The following OR7C1 variants were observed in gnomAD, a reference collection of about 807,000 sequenced individuals.
The protein encoded by OR7C1 is olfactory receptor family 7 subfamily C member 1, also known as olfactory receptor 7C1.
For missense variants in OR7C1, 324 were observed against 383.3 expected, an observed-to-expected ratio of 0.85 and a Z score of 1.29; for synonymous variants, 152 against 160.7, an observed-to-expected ratio of 0.95 and a Z score of 0.41.
At chr19:14,800,884 C>T (rs1433518045) in intron 2 of OR7C1, 120 bp from the exon 3 acceptor site, 9 of 152,206 alleles carry the variant, frequency 5.9e-5, no homozygotes, top group African/African-American at 9.7e-5. Context: ...GACACTGCCT[C>T]CTCAAAGGGG....
At chr19:14,826,136 T>C (rs2044765863) in intron 1 of OR7C1, 1 of 152,178 alleles carries the variant, frequency 6.6e-6, no homozygotes, top group Admixed American at 6.5e-5. Context: ...AATTTTCCAT[T>C]CCCAGAGACA....
exon 5 of OR7C1, chr19:14,799,062 T>C: frequency 7.4e-7 from 1 of 1,351,962 alleles, no homozygotes; most frequent in Non-Finnish European, 9.9e-7. Flanking sequence ...CTAGCTCCTG[T>C]ATCAAAGACA....
chr19:14,799,739 G>A lies in OR7C1; in HGVS notation c.398C>T (p.Thr133Met), dbSNP rs183712974. The A allele has an allele frequency of 3.2e-4, 515 of 1,614,040 alleles. 5 individuals are homozygous for A. The Admixed American group carries it at 8.2e-3, about 26-fold the overall frequency. Residue 133 changes from threonine (T) to methionine (M), a missense_variant, in exon 5 of 5, where the codon ACG becomes ATG. By Grantham distance (81) the Thr-to-Met change is moderately conservative. Transcript: ENST00000641666. ...ACAGAGCTGGGGGTTCATGATGACC[G>A]TATAGTGCAGGGGGTGACAGACGGC...
At chr19:14,819,772 T>C (rs985928075) in intron 1 of OR7C1, among the ~76,000 whole-genome samples, 2 of 152,274 alleles carry the variant, frequency 1.3e-5, no homozygotes, top group African/African-American at 4.8e-5. Flanking sequence ...TTTCTTCCAC[T>C]GCTTTAAGAA....
intron 1 of OR7C1, among the ~76,000 whole-genome samples, chr19:14,833,708 G>A (rs2044856486): frequency 6.6e-6 from 1 of 152,116 alleles, no homozygotes; most frequent in Non-Finnish European, 1.5e-5. Context: ...GTATAAAAAT[G>A]GGCATATAGT....
intron 1 of OR7C1, among the ~76,000 whole-genome samples, chr19:14,834,680 C>T (rs879942831): frequency 2.0e-5 from 3 of 152,138 alleles, no homozygotes; most frequent in Non-Finnish European, 4.4e-5. Flanking sequence ...GAAATATGCT[C>T]CATTTTAAAA....
rs776783210 is a variant in OR7C1, at chr19:14,799,975, G to T, written c.162C>A (p.His54Gln). ...GGAAGAAGTACATGGGGGTGTGGAG[G>T]TGGGAGTCTGAGCATATGGCCAGGA... Residue 54 changes from histidine to glutamine, a missense_variant, in exon 5 of 5, where the codon CAC becomes CAA. Physicochemically the swap from His to Gln is conservative, Grantham distance 24. Coordinates refer to ENST00000641666, the Ensembl canonical transcript of OR7C1. 1.9e-6 allele frequency: 3 copies of T among 1,614,142 alleles called. No homozygotes were observed. In the South Asian group the frequency reaches 3.3e-5, roughly 18 times the overall value.
At chr19:14,803,802 T>C (rs2044653740) in intron 2 of OR7C1, among the ~76,000 whole-genome samples, 1 of 151,896 alleles carries the variant, frequency 6.6e-6, no homozygotes, top group Admixed American at 6.6e-5. Flanking sequence ...CTCTGCCTCC[T>C]GGGTTCAAGT....
chr19:14,803,715 AT>A (rs572056695), intron 2 of OR7C1, among the ~76,000 whole-genome samples: 5,816 of 147,120 alleles, frequency 0.04, 136 homozygotes, highest in South Asian at 0.074. Context: ...AATAATAATA[AT>A]TTTTTTTTTT....
chr19:14,799,605 A>C (rs780386050), exon 5 of OR7C1: 1 of 1,614,144 alleles, frequency 6.2e-7, no homozygotes. Flanking sequence ...AGATCACAAA[A>C]AAAGTGTGGA....
chr19:14,833,824 G>T (rs1206411342), intron 1 of OR7C1, among the ~76,000 whole-genome samples: 1 of 132,616 alleles, frequency 7.5e-6, no homozygotes, highest in Non-Finnish European at 1.7e-5. Context: ...GCCTGAGCGG[G>T]GATGGAGTGG....
intron 1 of OR7C1, among the ~76,000 whole-genome samples, chr19:14,833,160 C>T (rs886350741): frequency 2.6e-5 from 4 of 152,148 alleles, no homozygotes; most frequent in African/African-American, 9.7e-5. Flanking sequence ...CCTCACACAT[C>T]TTACACAAAG....
intron 1 of OR7C1, among the ~76,000 whole-genome samples, chr19:14,810,859 TTCATCTGGGCTAAACACA>T (rs1220052821): frequency 6.6e-6 from 1 of 151,644 alleles, no homozygotes; most frequent in Admixed American, 6.6e-5. Flanking sequence ...ATTCGGTTTC[TTCATCTGGGCTAAACACA>T]TTCATATTTT....
intron 1 of OR7C1, among the ~76,000 whole-genome samples, chr19:14,813,916 A>G (rs1199771875): frequency 6.6e-6 from 1 of 152,196 alleles, no homozygotes; most frequent in African/African-American, 2.4e-5. Flanking sequence ...CATGACCAAC[A>G]GGACTTAGGT....
chr19:14,799,676 A>C, exon 5 of OR7C1: 1 of 1,614,148 alleles, frequency 6.2e-7, no homozygotes, highest in Non-Finnish European at 8.5e-7. Flanking sequence ...CAGGGAACCC[A>C]TGACACTGAT....
At chr19:14,833,225 T>C (rs1317732534) in intron 1 of OR7C1, among the ~76,000 whole-genome samples, 1 of 152,236 alleles carries the variant, frequency 6.6e-6, no homozygotes, top group East Asian at 1.9e-4. Flanking sequence ...ATGCCTGTAA[T>C]CCCAGCAGTT....
chr19:14,800,727 C>CT (rs560520714), exon 3 of OR7C1: 1 of 152,288 alleles, frequency 6.6e-6, no homozygotes. Flanking sequence ...CTTCCCTTCT[C>CT]TTTGTCAGCC....
At chr19:14,802,981 G>C (rs1048971942) in intron 2 of OR7C1, among the ~76,000 whole-genome samples, 1 of 152,114 alleles carries the variant, frequency 6.6e-6, no homozygotes, top group Non-Finnish European at 1.5e-5. Flanking sequence ...AGACTGGCTT[G>C]AGGAGGCAGT....
intron 2 of OR7C1, among the ~76,000 whole-genome samples, chr19:14,808,665 G>T (rs1450160795): frequency 6.6e-6 from 1 of 151,884 alleles, no homozygotes. Flanking sequence ...TTACCTATTG[G>T]GTACAATGTA....
Sources: allele counts gnomAD v4.1 joint callset (sites outside exome capture counted in the v4.1 genomes callset), GRCh38; gene constraint gnomAD v4.1.1; transcripts MANE v1.5; gene names NCBI Gene and HGNC (gene_info 2026-07-23, HGNC 2026-07-21).